The following ITIH3 variants were observed in gnomAD, a reference collection of about 807,000 sequenced individuals.
ITIH3 encodes inter-alpha-trypsin inhibitor heavy chain 3, also known as inter-alpha-trypsin inhibitor heavy chain H3.
Under a neutral mutation model 96.5 loss-of-function variants are expected in ITIH3, and 81 were observed. The observed-to-expected ratio is 0.84, with a 90% CI of 0.70 to 1.01. The LOEUF (loss-of-function observed/expected upper bound fraction) is 1.01, where lower values mean the gene tolerates loss of function less well. Ranked by LOEUF, ITIH3 falls within the 50% of genes least tolerant of loss-of-function variation. The pLI is 0.00. For missense variants in ITIH3, 1,057 were observed against 1,139.3 expected (o/e 0.93, Z 1.04); for synonymous variants, 422 against 445.2 (o/e 0.95, Z 0.66).
Position 52,804,009 on chromosome 3 carries a change from G to T in ITIH3, c.1864G>T (p.Asp622Tyr). ...ERAIADKPGEDAEATPVSPAM... is the reference protein window; with the variant it reads ...ERAIADKPGEYAEATPVSPAM... ...GGCCATTGCCGACAAGCCTGGGGAAGGTGGGGATAGGGATGGAGGCCGGAA... is the reference window on the plus strand; with the variant it reads ...GGCCATTGCCGACAAGCCTGGGGAATGTGGGGATAGGGATGGAGGCCGGAA... Residue 622 changes from aspartate (D) to tyrosine (Y), a missense_variant and splice_region_variant, in exon 14 of 22, where the codon GAT (aspartate) becomes TAT (tyrosine). Physicochemically the swap from Asp to Tyr is radical, Grantham distance 160. Coordinates refer to ENST00000449956, the MANE Select transcript of ITIH3 (RefSeq NM_002217.4). The T allele has an allele frequency of 6.2e-7, 1 of 1,612,230 alleles. No individual in the cohort carries two copies. Among genetic ancestry groups the T allele is most frequent in the Non-Finnish European group, 8.5e-7 (1 of 1,179,140 alleles).
chr3:52,804,758 G>A (rs1279550516), intron 15 of ITIH3, 24 bp downstream of exon 15: 1 of 1,586,028 alleles, frequency 6.3e-7, no homozygotes, highest in Non-Finnish European at 8.6e-7. Context: ...CAGCCACCGG[G>A]TTGGGCATTA....
intron 11 of ITIH3, 115 bp downstream of exon 11, chr3:52,801,261 C>T (rs760333051): frequency 8.9e-6 from 8 of 902,142 alleles, no homozygotes; most frequent in Non-Finnish European, 1.1e-5. Flanking sequence ...GGTCAAAATC[C>T]ACCTCTGACT....
At chr3:52,806,511 A>T in intron 18 of ITIH3, 105 bp downstream of exon 18, 4 of 837,840 alleles carry the variant, frequency 4.8e-6, no homozygotes, top group Non-Finnish European at 7.4e-6. Context: ...CCAGTAAGGC[A>T]TCATCTTCAC....
At chr3:52,808,246 C>T in intron 21 of ITIH3, 25 bp downstream of exon 21, 1 of 1,570,638 alleles carries the variant, frequency 6.4e-7, no homozygotes, top group Non-Finnish European at 8.8e-7. Context: ...CCCACACCCT[C>T]ACCTGCTCAG....
chr3:52,806,840 A>C, intron 18 of ITIH3, 61 bp from the exon 19 acceptor site: 2 of 1,413,054 alleles, frequency 1.4e-6, no homozygotes, highest in Admixed American at 2.0e-5. Context: ...GCACACCCCT[A>C]AAGGCAATCT....
chr3:52,800,216 T>C (rs1036061684), intron 9 of ITIH3, among the ~76,000 whole-genome samples: 5 of 152,018 alleles, frequency 3.3e-5, no homozygotes, highest in African/African-American at 1.2e-4. Flanking sequence ...ATATGGAAAA[T>C]GGCACGATGT....
At chr3:52,803,325 AT>A (rs561451509) in intron 13 of ITIH3, among the ~76,000 whole-genome samples, 13 of 115,382 alleles carry the variant, frequency 1.1e-4, no homozygotes, top group Admixed American at 2.3e-4. Flanking sequence ...TATTATTATT[AT>A]TTTTTTTTTT....
chr3:52,798,284 A>G (rs554341164), intron 6 of ITIH3, among the ~76,000 whole-genome samples: 3 of 152,354 alleles, frequency 2.0e-5, no homozygotes, highest in African/African-American at 7.2e-5. Context: ...GTGAAAGACT[A>G]AAGAGAACTT....
In ITIH3 at chr3:52,796,544, C is replaced by T. The variant is rs1230539915; in HGVS notation, c.178C>T (p.His60Tyr). The T allele has an allele frequency of 6.2e-7, 1 of 1,613,638 alleles. No individual in the cohort carries two copies. ...INSKVTSRFA[H>Y]NVVTMRAVNR... is the part of the protein sequence containing the mutation. The stretch of plus-strand genomic sequence containing the variant: ...CTCCAAGGTGACCTCCCGTTTTGCT[C>T]ACAATGTTGTCACCATGAGAGCCGT... Residue 60 changes from histidine (H) to tyrosine (Y), a missense_variant, in exon 3 of 22, where the codon CAC becomes TAC. Physicochemically the swap from His to Tyr is moderately conservative, Grantham distance 83. Transcript: ENST00000449956.
intron 2 of ITIH3, 114 bp downstream of exon 2, chr3:52,795,737 CT>C: frequency 9.7e-7 from 1 of 1,030,896 alleles, no homozygotes; most frequent in Non-Finnish European, 1.4e-6. Flanking sequence ...TGGCAAACAG[CT>C]TACGGCCCTC....
chr3:52,798,195 G>A (rs1453749064), intron 6 of ITIH3, among the ~76,000 whole-genome samples: 2 of 152,194 alleles, frequency 1.3e-5, no homozygotes, highest in Non-Finnish European at 2.9e-5. Flanking sequence ...GACAGGGCAG[G>A]GCTTATCTTC....
rs1171104551 is a variant in ITIH3, at chr3:52,804,727, T to C, written c.1866T>C (p.Asp622=). The stretch of plus-strand genomic sequence containing the variant: ...CTTCCTCCCTTGCTGCACCTGCAGA[T>C]GCAGAAGGTAAGCCTTTAGCCAGCC... ...ERAIADKPGE[D]AEATPVSPAM... Residue 622 remains aspartate (D), a splice_region_variant and synonymous_variant, in exon 15 of 22, where the codon GAT becomes GAC. Coordinates refer to ENST00000449956, the MANE Select transcript of ITIH3 (RefSeq NM_002217.4). The C allele has an allele frequency of 6.3e-7, 1 of 1,588,138 alleles. No homozygotes were observed. The highest frequency in any genetic ancestry group is 1.2e-5 in the South Asian group (1 of 86,836).
intron 6 of ITIH3, 65 bp from the exon 7 acceptor site, chr3:52,798,901 G>C: frequency 2.5e-6 from 4 of 1,587,546 alleles, no homozygotes; most frequent in Non-Finnish European, 3.4e-6. Context: ...TCAGCTAAGG[G>C]CTGAGGTCTC....
chr3:52,808,552 G>A lies in ITIH3; in HGVS notation c.2544G>A (p.Arg848=), dbSNP rs200796877. 6.8e-6 allele frequency: 11 copies of A among 1,613,100 alleles called. No homozygotes were observed. Among genetic ancestry groups the A allele is most frequent in the Non-Finnish European group, 8.5e-6 (10 of 1,179,222 alleles). The change falls in exon 22 of 22, where the codon AGG becomes AGA. Residue 848 remains arginine (R), a splice_region_variant and synonymous_variant. Coordinates refer to ENST00000449956, the MANE Select transcript of ITIH3 (RefSeq NM_002217.4). ...TGCAGCATCTCTCTTCTTTCCCCAG[G>A]GGCTCCCAGAAAGACTACAGAAAGG... ...VVKNHQLIVT[R]GSQKDYRKDA... is the part of the protein sequence containing the mutation.
Position 52,802,432 on chromosome 3 carries a change from C to G in ITIH3, c.1482C>G (p.His494Gln), listed in dbSNP as rs552779818. The G allele has an allele frequency of 3.1e-6, 5 of 1,613,998 alleles. No homozygotes were observed. Among genetic ancestry groups the G allele is most frequent in the Non-Finnish European group, 4.2e-6 (5 of 1,179,894 alleles). ...ILDLTQNTYQHFYDGSEIVVA... is the reference protein window; with the variant it reads ...ILDLTQNTYQQFYDGSEIVVA... ...ACCTCACCCAGAACACTTACCAGCA[C>G]TTCTACGATGGCTCTGAGATCGTGG... is the stretch of plus-strand genomic sequence containing the variant. Residue 494 changes from histidine (H) to glutamine (Q), a missense_variant, in exon 12 of 22, where the codon CAC (histidine) becomes CAG (glutamine). His to Gln is a conservative substitution (Grantham distance 24). Coordinates refer to ENST00000449956, the MANE Select transcript of ITIH3 (RefSeq NM_002217.4).
intron 12 of ITIH3, 64 bp downstream of exon 12, chr3:52,802,583 C>A (rs1468209215): frequency 6.2e-7 from 1 of 1,610,454 alleles, no homozygotes; most frequent in African/African-American, 1.3e-5. Context: ...AGGGCTCTGG[C>A]CTCATGAGGG....
Position 52,804,246 on chromosome 3 carries a change from G to C in ITIH3, c.1864+237G>C, listed in dbSNP as rs1219551378. The C allele has an allele frequency of 7.1e-6, 4 of 564,434 alleles. No homozygotes were observed. The African/African-American group carries it at 7.5e-5, about 11-fold the overall frequency. The allele number at this position is 564,434 out of a possible 1,614,324, so 35.0% of individuals were successfully genotyped here. On this transcript the variant is annotated intron_variant, in intron 14 of 21. Transcript: ENST00000449956. ...ACCTCTAAAGGGAAGTGAGTAAAGG[G>C]GGCACACTGCCCATGGGGCATTTCA...
chr3:52,807,871 G>C lies in ITIH3; in HGVS notation c.2386G>C (p.Val796Leu). 2 of 1,612,468 alleles carry C rather than the reference G, an allele frequency of 1.2e-6. No individual in the cohort carries two copies. Among genetic ancestry groups the C allele is most frequent in the South Asian group, 2.2e-5 (2 of 90,632 alleles). Residue 796 changes from valine (V) to leucine (L), a missense_variant, in exon 20 of 22, where the codon GTG (valine) becomes CTG (leucine). Coordinates refer to ENST00000449956, the MANE Select transcript of ITIH3 (RefSeq NM_002217.4). Reference sequence around the variant, plus strand: ...CCACCGTGACTTTCTAGGCTTCTACGTGGTGGACAGTCACCGGATGTCAGC... The same window carrying C: ...CCACCGTGACTTTCTAGGCTTCTACCTGGTGGACAGTCACCGGATGTCAGC... Reference protein sequence around the residue: ...PVHRDFLGFYVVDSHRMSAQT... With the variant: ...PVHRDFLGFYLVDSHRMSAQT...
At chr3:52,804,968 G>A in intron 15 of ITIH3, 1 of 585,004 alleles carries the variant, frequency 1.7e-6, no homozygotes, top group Non-Finnish European at 3.1e-6. Context: ...CAGTATGACA[G>A]TATCTATGAC....
Sources: allele counts gnomAD v4.1 joint callset (sites outside exome capture counted in the v4.1 genomes callset), GRCh38; gene constraint gnomAD v4.1.1; transcripts MANE v1.5; gene names NCBI Gene and HGNC (gene_info 2026-07-23, HGNC 2026-07-21).